Variants in TMPRSS11A observed in about 807,000 individuals in gnomAD.
TMPRSS11A encodes transmembrane serine protease 11A.
A neutral mutation model predicts 58.9 loss-of-function variants in TMPRSS11A; 53 were observed. That is an observed-to-expected ratio of 0.90 (90% CI 0.72 to 1.13). TMPRSS11A has a LOEUF of 1.13. Ranked by LOEUF, TMPRSS11A falls within the 50% of genes most tolerant of loss-of-function variation. TMPRSS11A has a pLI of 0.00. For missense variants in TMPRSS11A, 493 were observed against 499.3 expected (o/e 0.99, Z 0.12); for synonymous variants, 167 against 169.8 (o/e 0.98, Z 0.13).
intron 5 of TMPRSS11A, among the ~76,000 whole-genome samples, chr4:67,926,421 T>G (rs1228203553): frequency 6.6e-6 from 1 of 152,252 alleles, no homozygotes; most frequent in Non-Finnish European, 1.5e-5. Context: ...AGCTGTCCAC[T>G]GAATGTGCCT....
chr4:67,947,325 G>A (rs908624819), intron 1 of TMPRSS11A, among the ~76,000 whole-genome samples: 3 of 152,056 alleles, frequency 2.0e-5, no homozygotes, highest in Admixed American at 6.6e-5. Context: ...AGACATAATC[G>A]AGGACCATGC....
At chr4:67,923,082 C>A (rs915756316) in intron 6 of TMPRSS11A, among the ~76,000 whole-genome samples, 156 bp from the exon 7 acceptor site, 2 of 152,234 alleles carry the variant, frequency 1.3e-5, no homozygotes, top group African/African-American at 4.8e-5. Context: ...TTCTCTCTCA[C>A]ATTTCAGGGT....
intron 1 of TMPRSS11A, among the ~76,000 whole-genome samples, chr4:67,952,378 T>C (rs1721183259): frequency 6.6e-6 from 1 of 152,198 alleles, no homozygotes. Context: ...AATGAATAAT[T>C]GTGGAACTTC....
At chr4:67,911,934 G>C (rs1003017992) in intron 9 of TMPRSS11A, among the ~76,000 whole-genome samples, 1 of 152,026 alleles carries the variant, frequency 6.6e-6, no homozygotes, top group Non-Finnish European at 1.5e-5. Flanking sequence ...CTCTTACGTA[G>C]TTAGGGATTT....
At chr4:67,912,281 AACACACAC>A (rs58492227) in intron 9 of TMPRSS11A, among the ~76,000 whole-genome samples, 1 of 149,730 alleles carries the variant, frequency 6.7e-6, no homozygotes, top group African/African-American at 2.5e-5. Context: ...CCACCATATC[AACACACAC>A]ACACACACAC....
Position 67,951,456 on chromosome 4 carries a change from C to G in TMPRSS11A, c.12-4885G>C, listed in dbSNP as rs562187090. On this transcript the variant is annotated intron_variant, in intron 1 of 9. Transcript: ENST00000508048. ...GAGTCAAGACAAAGAGATTGTAAAC[C>G]CTTTACTTCCCAAGGATCTTACTTT... Among the ~76,000 whole-genome samples, 12 of 152,202 alleles carry G rather than the reference C, an allele frequency of 7.9e-5. No individual in the cohort carries two copies. In the East Asian group the frequency reaches 1.2e-3, roughly 15 times the overall value.
At chr4:67,954,823 T>C (rs1577873010) in intron 1 of TMPRSS11A, among the ~76,000 whole-genome samples, 1 of 152,224 alleles carries the variant, frequency 6.6e-6, no homozygotes, top group East Asian at 1.9e-4. Flanking sequence ...TTTGGCCCTT[T>C]TGTGTCTTAG....
At chr4:67,932,960 T>A (rs1720665625) in intron 3 of TMPRSS11A, among the ~76,000 whole-genome samples, 1 of 152,044 alleles carries the variant, frequency 6.6e-6, no homozygotes, top group South Asian at 2.1e-4. Context: ...GCTTGCAGTA[T>A]CCCCTAGCAC....
chr4:67,917,270 C>T (rs1380714850), intron 8 of TMPRSS11A, among the ~76,000 whole-genome samples: 1 of 151,908 alleles, frequency 6.6e-6, no homozygotes, highest in Non-Finnish European at 1.5e-5. Context: ...TCCCTTTCTA[C>T]ACTATTTTAG....
At chr4:67,920,175 C>T (rs1720280773) in intron 7 of TMPRSS11A, among the ~76,000 whole-genome samples, 1 of 151,762 alleles carries the variant, frequency 6.6e-6, no homozygotes, top group African/African-American at 2.4e-5. Context: ...ATACAGGAAT[C>T]GGAAAAATCA....
rs572842431 is a variant in TMPRSS11A at position 67,919,060 on chromosome 4, G to T, written c.865C>A (p.Arg289Ser). Reference protein sequence around the residue: ...SSRVTFSDDIRQICLPEASAS... With the variant: ...SSRVTFSDDISQICLPEASAS... ...GAGGCTTCTGGCAAACAAATCTGGC[G>T]TATGTCATCCGAAAAGGTGACTCTG... The change falls in exon 8 of 10, where the codon CGC becomes AGC. Residue 289 changes from arginine (R) to serine (S), a missense_variant. By Grantham distance (110) the Arg-to-Ser change is moderately radical (BLOSUM62 -1). Transcript: ENST00000508048. The T allele has an allele frequency of 6.8e-6, 11 of 1,613,988 alleles. No homozygotes were observed. The highest frequency in any genetic ancestry group is 2.2e-5 in the East Asian group (1 of 44,896).
chr4:67,939,647 T>G (rs1406857013), intron 3 of TMPRSS11A, among the ~76,000 whole-genome samples: 2 of 152,150 alleles, frequency 1.3e-5, no homozygotes, highest in African/African-American at 4.8e-5. Context: ...ATCAAAAGCT[T>G]TTTCTACATA....
chr4:67,958,953 T>C (rs1721356691), intron 1 of TMPRSS11A, among the ~76,000 whole-genome samples: 2 of 152,222 alleles, frequency 1.3e-5, no homozygotes, highest in Admixed American at 1.3e-4. Context: ...TCTGCCACTG[T>C]GTAAGAAAGA....
At position 67,930,829 on chromosome 4, in the gene TMPRSS11A, T is replaced by TTTA. The variant is rs1265700805; in HGVS notation, c.321-790_321-789insTAA. Among the ~76,000 whole-genome samples the TTTA allele has an allele frequency of 2.0e-3, 180 of 90,042 alleles. 1 individual carries two copies. Among genetic ancestry groups the TTTA allele is most frequent in the African/African-American group, 6.1e-3 (130 of 21,228 alleles). The allele number at this position is 90,042 out of a possible 152,430, so 59.1% of individuals were successfully genotyped here. On this transcript the variant is annotated intron_variant, in intron 4 of 9. Coordinates refer to ENST00000508048, the MANE Select transcript of TMPRSS11A (RefSeq NM_001114387.2). ...TCTCCTTTTTTTTTTTTTTTTTTTT[T>TTTA]ACAAAAAAAAAAAAAACTGTGAAAA...
At chr4:67,917,160 T>C (rs1276163288) in intron 8 of TMPRSS11A, among the ~76,000 whole-genome samples, 1 of 152,090 alleles carries the variant, frequency 6.6e-6, no homozygotes, top group African/African-American at 2.4e-5. Flanking sequence ...TCCTTCCTTA[T>C]GTTTGTTTTA....
At chr4:67,962,550 T>G (rs189220190) in intron 1 of TMPRSS11A, among the ~76,000 whole-genome samples, 129 of 152,140 alleles carry the variant, frequency 8.5e-4, no homozygotes, top group Non-Finnish European at 1.4e-3. Context: ...AAAATGGGAG[T>G]TAACGATACT....
chr4:67,948,691 C>A (rs190984900), intron 1 of TMPRSS11A, among the ~76,000 whole-genome samples: 1 of 152,254 alleles, frequency 6.6e-6, no homozygotes, highest in Admixed American at 6.5e-5. Flanking sequence ...TAGAAACAAG[C>A]TAACATGCTT....
chr4:67,932,059 A>G lies in TMPRSS11A; in HGVS notation c.254T>C (p.Val85Ala). The G allele has an allele frequency of 6.5e-7, 1 of 1,534,708 alleles. No individual in the cohort carries two copies. The highest frequency in any genetic ancestry group is 9.0e-7 in the Non-Finnish European group (1 of 1,108,468). ...KDLRETTENL[V>A]DEIFIDSAWK... ...GGCTGAATCTATAAATATCTCATCC[A>G]CCTGTTACACAACAAGAGAGAAACT... Residue 85 changes from valine (V) to alanine (A), a missense_variant and splice_region_variant, in exon 4 of 10, where the codon GTG becomes GCG. Physicochemically the swap from Val to Ala is moderately conservative, Grantham distance 64. Transcript: ENST00000508048.
intron 3 of TMPRSS11A, among the ~76,000 whole-genome samples, chr4:67,934,905 T>C (rs1030802154): frequency 2.0e-5 from 3 of 152,094 alleles, no homozygotes; most frequent in Non-Finnish European, 4.4e-5. Context: ...AAACCTCAGA[T>C]AGATATGTCA....
Sources: gnomAD v4.1 joint callset for allele counts (sites outside exome capture counted in the v4.1 genomes callset) on GRCh38, gnomAD v4.1.1 for gene constraint, MANE v1.5 for transcripts, NCBI Gene and HGNC (gene_info 2026-07-23, HGNC 2026-07-21) for gene names.